Variants in CSMD2 observed in about 807,000 individuals in gnomAD.
CSMD2 encodes the protein CUB and sushi domain-containing protein 2.
Under a neutral mutation model 398.5 loss-of-function variants are expected in CSMD2, and 130 were observed. The observed-to-expected ratio is 0.33, with a 90% CI of 0.28 to 0.38. CSMD2 has a LOEUF of 0.38. Among genes scored for constraint, CSMD2 ranks in the 10% least tolerant of loss-of-function variants. The probability of loss-of-function intolerance (pLI) is 1.00; values close to 1 mark genes in which losing one functional copy is unlikely to be tolerated. For missense variants in CSMD2, 3,829 were observed against 4,764.9 expected (o/e 0.80, Z 5.78); for synonymous variants, 1,828 against 1,908.5 (o/e 0.96, Z 1.10).
chr1:33,727,041 C>T (rs558110204), intron 15 of CSMD2, among the ~76,000 whole-genome samples: 2 of 152,332 alleles, frequency 1.3e-5, no homozygotes, highest in South Asian at 4.1e-4. Context: ...AGCCAACCTC[C>T]TCACATCTGG....
At chr1:34,155,419 C>T (rs1036522530) in intron 1 of CSMD2, among the ~76,000 whole-genome samples, 3 of 152,126 alleles carry the variant, frequency 2.0e-5, no homozygotes, top group Non-Finnish European at 2.9e-5. Flanking sequence ...GTACCCTGGA[C>T]GAATGTGTTA....
At chr1:33,744,285 C>T (rs914203326) in intron 13 of CSMD2, among the ~76,000 whole-genome samples, 8 of 152,172 alleles carry the variant, frequency 5.3e-5, no homozygotes, top group African/African-American at 1.9e-4. Context: ...GACCATTTGT[C>T]TCCTTCAAAC....
At chr1:34,106,568 A>G (rs28628437) in intron 1 of CSMD2, among the ~76,000 whole-genome samples, 4,037 of 151,952 alleles carry the variant, frequency 0.027, 74 homozygotes, top group African/African-American at 0.045. Context: ...TTTCACACAC[A>G]TCATCTCAGG....
chr1:33,528,460 T>C (rs1032008256), intron 64 of CSMD2, among the ~76,000 whole-genome samples: 1 of 152,268 alleles, frequency 6.6e-6, no homozygotes, highest in Non-Finnish European at 1.5e-5. Flanking sequence ...GAGGTCAGCC[T>C]ATGCCTCAGT....
intron 3 of CSMD2, among the ~76,000 whole-genome samples, chr1:33,993,435 G>A: frequency 6.6e-6 from 1 of 151,906 alleles, no homozygotes; most frequent in East Asian, 1.9e-4. Context: ...TCTCAAGAAG[G>A]GCTTCTCTCT....
chr1:33,868,348 T>C (rs544684222), intron 5 of CSMD2, among the ~76,000 whole-genome samples: 1 of 152,330 alleles, frequency 6.6e-6, no homozygotes, highest in East Asian at 1.9e-4. Flanking sequence ...TACATAAATC[T>C]TATGCCTGCA....
intron 3 of CSMD2, among the ~76,000 whole-genome samples, chr1:34,028,750 G>C (rs766796640): frequency 6.6e-6 from 1 of 152,236 alleles, no homozygotes; most frequent in Non-Finnish European, 1.5e-5. Context: ...TATGTAAAGT[G>C]CCTGGCATAC....
At chr1:34,061,988 T>C (rs934560686) in intron 2 of CSMD2, among the ~76,000 whole-genome samples, 17 of 152,132 alleles carry the variant, frequency 1.1e-4, no homozygotes, top group African/African-American at 3.9e-4. Flanking sequence ...TCCATATCTG[T>C]GTATGGGATC....
At chr1:33,719,359 G>A (rs2149186189) in intron 19 of CSMD2, among the ~76,000 whole-genome samples, 1 of 152,348 alleles carries the variant, frequency 6.6e-6, no homozygotes, top group Admixed American at 6.5e-5. Flanking sequence ...CTTCTAGCAT[G>A]CAAATAGAGC....
At chr1:34,015,782 A>T (rs1398963672) in intron 3 of CSMD2, among the ~76,000 whole-genome samples, 1 of 152,224 alleles carries the variant, frequency 6.6e-6, no homozygotes, top group Non-Finnish European at 1.5e-5. Flanking sequence ...TTATAGATCC[A>T]TTGGATTAGC....
chr1:34,075,782 G>A (rs976626870), intron 2 of CSMD2, among the ~76,000 whole-genome samples: 1 of 152,182 alleles, frequency 6.6e-6, no homozygotes, highest in African/African-American at 2.4e-5. Context: ...CTGCCAGCAC[G>A]GAGAGGCCAT....
chr1:34,138,550 C>T (rs997714771), intron 1 of CSMD2, among the ~76,000 whole-genome samples: 10 of 152,206 alleles, frequency 6.6e-5, no homozygotes, highest in Non-Finnish European at 1.2e-4. Flanking sequence ...TTACGGTTGG[C>T]CACTTATTTC....
chr1:34,043,957 C>T (rs761368652), intron 2 of CSMD2, among the ~76,000 whole-genome samples: 1 of 152,174 alleles, frequency 6.6e-6, no homozygotes, highest in Non-Finnish European at 1.5e-5. Context: ...GTTTGAAGCA[C>T]GACCTGTGTG....
At chr1:33,740,538 G>T (rs1647024629) in intron 14 of CSMD2, among the ~76,000 whole-genome samples, 1 of 152,208 alleles carries the variant, frequency 6.6e-6, no homozygotes, top group African/African-American at 2.4e-5. Context: ...CATTGCAGAT[G>T]AGGTAAGGGA....
intron 19 of CSMD2, among the ~76,000 whole-genome samples, chr1:33,722,183 T>C (rs981703913): frequency 6.6e-6 from 1 of 152,238 alleles, no homozygotes; most frequent in Non-Finnish European, 1.5e-5. Context: ...TAAATCTTGA[T>C]GTAGAGTTTT....
chr1:33,751,802 T>G (rs1478040288), intron 13 of CSMD2, among the ~76,000 whole-genome samples: 2 of 151,984 alleles, frequency 1.3e-5, no homozygotes, highest in South Asian at 2.1e-4. Context: ...TTTTTTTGTA[T>G]TTTTAGTAGA....
In CSMD2 at chr1:33,599,936, C is replaced by T. The variant is rs148932055; in HGVS notation, c.6856+929G>A. On this transcript the variant is annotated intron_variant, in intron 44 of 70. Coordinates refer to ENST00000373381, the MANE Select transcript of CSMD2 (RefSeq NM_001281956.2). Reference sequence around the variant, plus strand: ...AGTCACACCAGAGCAGATACTGTAGCAGATACTGCAGCAGATACTGCGGAG... The same window carrying T: ...AGTCACACCAGAGCAGATACTGTAGTAGATACTGCAGCAGATACTGCGGAG... The T allele has an allele frequency of 3.4e-3, 1,968 of 579,242 alleles. 35 individuals are homozygous for T. The highest frequency in any genetic ancestry group is 6.7e-3 in the East Asian group (235 of 35,132). 35.9% of individuals were successfully genotyped at this position (579,242 alleles called of 1,614,324 possible).
At chr1:33,570,050 T>C (rs529559401) in intron 51 of CSMD2, among the ~76,000 whole-genome samples, 163 of 152,344 alleles carry the variant, frequency 1.1e-3, no homozygotes, top group Non-Finnish European at 1.7e-3. Context: ...AGTGGCTGCA[T>C]TGTAGTGAGG....
chr1:33,921,421 G>A (rs1176681808), intron 4 of CSMD2, among the ~76,000 whole-genome samples: 1 of 152,190 alleles, frequency 6.6e-6, no homozygotes, highest in Non-Finnish European at 1.5e-5. Context: ...GCCAACAAGT[G>A]GGAGATTTGC....
Sources: allele counts gnomAD v4.1 joint callset (sites outside exome capture counted in the v4.1 genomes callset), GRCh38; gene constraint gnomAD v4.1.1; transcripts MANE v1.5; gene names NCBI Gene and HGNC (gene_info 2026-07-23, HGNC 2026-07-21).